The following DMD variants were observed in gnomAD, a reference collection of about 807,000 sequenced individuals.
DMD encodes the protein mutant dystrophin.
DMD carries 63 observed loss-of-function variants against 330.1 expected under a neutral mutation model. The observed-to-expected ratio is 0.19, with a 90% confidence interval of 0.16 to 0.24. The LOEUF (loss-of-function observed/expected upper bound fraction) is 0.24. Ranked by LOEUF, DMD falls within the 10% of genes least tolerant of loss-of-function variation. The pLI is 1.00. For synonymous variants in DMD, 1,223 were observed against 959.8 expected (o/e 1.27, Z -5.07); for missense variants, 3,344 against 2,684.1 (o/e 1.25, Z -5.43).
intron 55 of DMD, among the ~76,000 whole-genome samples, chrX:31,583,459 AAGG>A (rs1246376010): frequency 9.0e-6 from 1 of 110,783 alleles, no homozygotes; most frequent in Admixed American, 9.6e-5. Context: ...AGAAAATTAC[AAGG>A]AGAAGCTGAG....
intron 47 of DMD, among the ~76,000 whole-genome samples, chrX:31,920,123 C>T (rs2094668781): frequency 1.8e-5 from 2 of 112,054 alleles, no homozygotes; most frequent in Non-Finnish European, 1.9e-5. Context: ...TGGTTTGAAG[C>T]ACTAGGGGTC....
At chrX:31,179,981 A>T (rs146707078) in intron 69 of DMD, among the ~76,000 whole-genome samples, 3 of 111,902 alleles carry the variant, frequency 2.7e-5, no homozygotes, top group East Asian at 5.6e-4. Context: ...AACATTGATT[A>T]AAAGTGGTAG....
chrX:31,566,147 T>C (rs2075452400), intron 55 of DMD, among the ~76,000 whole-genome samples: 1 of 112,069 alleles, frequency 8.9e-6, no homozygotes, highest in South Asian at 3.7e-4. Flanking sequence ...TTTCTGTGTG[T>C]GGATCATGCT....
At chrX:31,749,196 GGTTA>G (rs2088164443) in intron 51 of DMD, among the ~76,000 whole-genome samples, 1 of 107,990 alleles carries the variant, frequency 9.3e-6, no homozygotes, top group African/African-American at 3.4e-5. Flanking sequence ...ACAATGTGCA[GGTTA>G]GTTACATATG....
At chrX:31,662,901 C>T (rs1448007968) in intron 53 of DMD, among the ~76,000 whole-genome samples, 1 of 111,482 alleles carries the variant, frequency 9.0e-6, no homozygotes, top group African/African-American at 3.3e-5. Flanking sequence ...TTCCTTGGAT[C>T]CTGTATTTAC....
At chrX:33,333,327 G>A (rs1282274830) in intron 1 of DMD, among the ~76,000 whole-genome samples, 1 of 101,380 alleles carries the variant, frequency 9.9e-6, no homozygotes, top group Non-Finnish European at 2.2e-5. Flanking sequence ...CACAAAAAAA[G>A]CTCCCCCACG....
chrX:32,031,369 C>G (rs980187868), intron 44 of DMD, among the ~76,000 whole-genome samples: 1 of 111,197 alleles, frequency 9.0e-6, no homozygotes, highest in African/African-American at 3.3e-5. Flanking sequence ...CATCTTTGAA[C>G]CTGTTACTGT....
At chrX:31,373,982 A>C (rs1252753271) in intron 60 of DMD, among the ~76,000 whole-genome samples, 2 of 108,502 alleles carry the variant, frequency 1.8e-5, no homozygotes, top group Admixed American at 2.0e-4. Flanking sequence ...CAAGAAAAAA[A>C]CAAACAACCC....
At chrX:33,261,376 T>C (rs1302286729) in intron 1 of DMD, among the ~76,000 whole-genome samples, 1 of 110,438 alleles carries the variant, frequency 9.1e-6, no homozygotes, top group Non-Finnish European at 1.9e-5. Flanking sequence ...CCTCCACATA[T>C]CAGACACAGT....
intron 60 of DMD, among the ~76,000 whole-genome samples, chrX:31,368,521 T>C (rs191437651): frequency 1.8e-5 from 2 of 111,999 alleles, no homozygotes; most frequent in East Asian, 5.6e-4. Flanking sequence ...TGTAGCTACC[T>C]ATATCCAGAT....
At chrX:32,033,661 AAAGAAAGAAAGGAAG>A (rs1569534678) in intron 44 of DMD, among the ~76,000 whole-genome samples, 23 of 78,715 alleles carry the variant, frequency 2.9e-4, no homozygotes, top group African/African-American at 1.2e-3. Context: ...AAGAAGAAAG[AAAGAAAGAAAGGAAG>A]GAAAGAAAGA....
chrX:31,270,405 A>C (rs2051538025), intron 62 of DMD, among the ~76,000 whole-genome samples: 1 of 111,314 alleles, frequency 9.0e-6, no homozygotes, highest in Non-Finnish European at 1.9e-5. Flanking sequence ...TCTGGGGCTA[A>C]AAAGCAGATG....
Position 32,595,764 on chromosome X carries a change from T to C in DMD, c.1595A>G (p.Gln532Arg), listed in dbSNP as rs1257616055. 2 of 1,209,398 alleles carry C rather than the reference T, an allele frequency of 1.7e-6. No homozygotes were observed. Among genetic ancestry groups the C allele is most frequent in the Non-Finnish European group, 2.2e-6 (2 of 894,566 alleles). The part of the protein sequence containing the change: ...GDHATAALEE[Q>R]LKVLGDRWAN... ...TAAGCAAAATAATCTGACCTTAAGT[T>C]GTTCTTCCAAAGCAGCAGTTGCGTG... Residue 532 changes from glutamine (Q) to arginine (R), a missense_variant, in exon 13 of 79, where the codon CAA (glutamine) becomes CGA (arginine). Physicochemically the swap from Gln to Arg is conservative, Grantham distance 43. Coordinates refer to ENST00000357033, the MANE Select transcript of DMD (RefSeq NM_004006.3).
chrX:32,417,180 T>A (rs1216962216), intron 29 of DMD, among the ~76,000 whole-genome samples: 1 of 111,361 alleles, frequency 9.0e-6, no homozygotes, highest in East Asian at 2.8e-4. Flanking sequence ...TTCTAAGAGA[T>A]GGAAATAGCA....
chrX:32,771,382 T>C (rs1057399285), intron 7 of DMD, among the ~76,000 whole-genome samples: 1 of 111,267 alleles, frequency 9.0e-6, no homozygotes, highest in African/African-American at 3.3e-5. Context: ...GTGTAACTAC[T>C]ACAGATGAAA....
At position 31,807,405 on chromosome X, in the gene DMD, C is replaced by T. The variant is rs148125483; in HGVS notation, c.7309+12570G>A. Among the ~76,000 whole-genome samples the T allele has an allele frequency of 3.1e-4, 35 of 111,406 alleles. No individual in the cohort carries two copies. The East Asian group carries it at 9.9e-3, about 31-fold the overall frequency. On this transcript the variant is annotated intron_variant, in intron 50 of 78. Transcript: ENST00000357033. The stretch of plus-strand genomic sequence containing the variant: ...AGATCTACTTTTTGTAATTCTGCTG[C>T]TGTACTGGCTTTTTGACCTTGAATT...
rs1160542770 is a variant in DMD, at chrX:33,232,148, G to A, written c.7+107111C>T. Among the ~76,000 whole-genome samples, 5 of 112,118 alleles carry A rather than the reference G, an allele frequency of 4.5e-5. No individual in the cohort carries two copies. The South Asian group carries it at 1.8e-3, about 41-fold the overall frequency. On this transcript the variant is annotated intron_variant, in intron 1 of 17. Coordinates refer to the DMD transcript ENST00000288447. ...AATGAATACTTTATCAGACAAACAC[G>A]CTGAGGGAATTTGCTGCCAGTAGAT...
Position 32,538,836 on chromosome X carries a change from T to C in DMD, c.2168+6323A>G, listed in dbSNP as rs762172788. 4.5e-5 allele frequency among the ~76,000 whole-genome samples: 5 copies of C among 111,337 alleles called. No individual in the cohort carries two copies. In the South Asian group the frequency reaches 1.9e-3, roughly 43 times the overall value. ...TGTTGTCATGCCAGTGCGAGGGTTC[T>C]CAAATTTTATGGTGTATAAGTATCA... On this transcript the variant is annotated intron_variant, in intron 17 of 78. Transcript: ENST00000357033.
intron 1 of DMD, among the ~76,000 whole-genome samples, chrX:33,069,723 A>G (rs1229245321): frequency 8.9e-6 from 1 of 111,915 alleles, no homozygotes; most frequent in African/African-American, 3.2e-5. Context: ...TAATAGAATT[A>G]GATTTTTTAC....
Sources: gnomAD v4.1 joint callset for allele counts (sites outside exome capture counted in the v4.1 genomes callset) on GRCh38, gnomAD v4.1.1 for gene constraint, MANE v1.5 for transcripts, NCBI Gene and HGNC (gene_info 2026-07-23, HGNC 2026-07-21) for gene names.